The following ABCA13 variants were observed in gnomAD, a reference collection of about 807,000 sequenced individuals.
ABCA13 encodes ATP-binding cassette sub-family A member 13.
A neutral mutation model predicts 478.7 loss-of-function variants in ABCA13; 476 were observed. The observed-to-expected ratio is 0.99, with a 90% CI of 0.92 to 1.07. ABCA13 has a LOEUF of 1.07. Among genes scored for constraint, ABCA13 ranks in the 50% least tolerant of loss-of-function variants. The probability of loss-of-function intolerance (pLI) is 0.00; values close to 1 mark genes in which losing one functional copy is unlikely to be tolerated. For missense variants in ABCA13, 6,060 were observed against 5,910.6 expected (o/e 1.03, Z -0.83); for synonymous variants, 2,252 against 2,158.9 (o/e 1.04, Z -1.20).
At chr7:48,596,257 A>T (rs980124690) in intron 58 of ABCA13, among the ~76,000 whole-genome samples, 6 of 152,092 alleles carry the variant, frequency 3.9e-5, no homozygotes, top group African/African-American at 9.7e-5. Flanking sequence ...TTTCTTTTTT[A>T]AAAAAATTCA....
chr7:48,375,616 G>T (rs12669514), intron 34 of ABCA13, among the ~76,000 whole-genome samples: 46 of 145,476 alleles, frequency 3.2e-4, no homozygotes, highest in African/African-American at 5.2e-4. Flanking sequence ...GGTTTTTTTT[G>T]GGGGGGGGTG....
At chr7:48,457,327 T>G (rs942331499) in intron 43 of ABCA13, among the ~76,000 whole-genome samples, 8 of 144,830 alleles carry the variant, frequency 5.5e-5, no homozygotes, top group African/African-American at 2.1e-4. Context: ...AACTGACTTC[T>G]TCACCCTCCT....
intron 31 of ABCA13, among the ~76,000 whole-genome samples, chr7:48,358,029 C>T (rs1250586440): frequency 2.6e-5 from 4 of 151,206 alleles, no homozygotes; most frequent in Admixed American, 2.6e-4. Flanking sequence ...GTAATCCCAG[C>T]TACTCGGGAG....
rs1388998209 is a variant in ABCA13, at chr7:48,295,770, C to A, written c.9026C>A (p.Thr3009Asn). Residue 3009 changes from threonine to asparagine, a missense_variant, in exon 21 of 62, where the codon ACC becomes AAC. Physicochemically the swap from Thr to Asn is moderately conservative, Grantham distance 65. Coordinates refer to ENST00000435803, the MANE Select transcript of ABCA13 (RefSeq NM_152701.5). Reference protein sequence around the residue: ...CESLSKNLSSTLESFKSSLEN... With the variant: ...CESLSKNLSSNLESFKSSLEN... ...AGTCTTAGCAAGAATCTTTCTAGCACCTTGGAGAGCTTCAAGAGCAGCTTG... is the reference window on the plus strand; with the variant it reads ...AGTCTTAGCAAGAATCTTTCTAGCAACTTGGAGAGCTTCAAGAGCAGCTTG... 2 of 1,613,902 alleles carry A rather than the reference C, an allele frequency of 1.2e-6. No homozygotes were observed. Among genetic ancestry groups the A allele is most frequent in the African/African-American group, 2.7e-5 (2 of 74,930 alleles).
In ABCA13 at chr7:48,307,695, T is replaced by A. The variant is rs183290613; in HGVS notation, c.9322-2252T>A. 3.6e-3 allele frequency among the ~76,000 whole-genome samples: 554 copies of A among 152,314 alleles called. 4 individuals are homozygous for A. The highest frequency in any genetic ancestry group is 0.012 in the African/African-American group (513 of 41,578). On this transcript the variant is annotated intron_variant, in intron 23 of 61. Coordinates refer to ENST00000435803, the MANE Select transcript of ABCA13 (RefSeq NM_152701.5). ...ATAAACTTTATTTATTTATTTATTT[T>A]TTTAAGACAGAGTCTTGCTCTGTTG...
chr7:48,376,224 A>T (rs7795985), intron 34 of ABCA13, among the ~76,000 whole-genome samples: 36,201 of 152,060 alleles, frequency 0.24, 4,762 homozygotes, highest in African/African-American at 0.35. Context: ...GATATTAAAA[A>T]GTAGTTAACA....
At chr7:48,439,934 T>C (rs1009408930) in intron 42 of ABCA13, among the ~76,000 whole-genome samples, 3 of 152,154 alleles carry the variant, frequency 2.0e-5, no homozygotes, top group Admixed American at 6.6e-5. Flanking sequence ...GTTTGAGTCA[T>C]TGGGGGCCAC....
chr7:48,614,325 C>T (rs73327990), intron 58 of ABCA13, among the ~76,000 whole-genome samples: 2,808 of 151,212 alleles, frequency 0.019, 116 homozygotes, highest in African/African-American at 0.062. Context: ...AGCTGGTCTT[C>T]CTGGTATAAG....
intron 3 of ABCA13, among the ~76,000 whole-genome samples, chr7:48,200,980 G>C (rs1798607787): frequency 7.2e-6 from 1 of 139,820 alleles, no homozygotes; most frequent in Non-Finnish European, 1.6e-5. Flanking sequence ...GGAGACAAAG[G>C]AAATAGAAAG....
chr7:48,281,453 G>A lies in ABCA13; in HGVS notation c.8836+1G>A, dbSNP rs1797021433. The stretch of plus-strand genomic sequence containing the variant: ...GTACGTGTGCTCACCATCGTTGCAG[G>A]TGGGCTGCTCATATAACAAGTGCTC... On this transcript the variant is annotated splice_donor_variant, in intron 19 of 61. Transcript: ENST00000435803. LOFTEE classifies it high-confidence loss of function. 1.3e-6 allele frequency: 2 copies of A among 1,588,528 alleles called. No homozygotes were observed. Among genetic ancestry groups the A allele is most frequent in the East Asian group, 2.3e-5 (1 of 43,832 alleles).
At chr7:48,552,242 T>C (rs145649972) in intron 55 of ABCA13, among the ~76,000 whole-genome samples, 3,262 of 152,004 alleles carry the variant, frequency 0.021, 105 homozygotes, top group Middle Eastern at 0.041. Flanking sequence ...TTCTATTTCA[T>C]TGAGGCTGCT....
chr7:48,374,733 G>T (rs1447788545), intron 34 of ABCA13, among the ~76,000 whole-genome samples: 1 of 152,144 alleles, frequency 6.6e-6, no homozygotes, highest in Admixed American at 6.5e-5. Context: ...CCAAGATAGG[G>T]TGTGCAAATG....
At chr7:48,321,242 G>GC in intron 27 of ABCA13, among the ~76,000 whole-genome samples, 1 of 152,304 alleles carries the variant, frequency 6.6e-6, no homozygotes, top group East Asian at 1.9e-4. Context: ...GCACAGGAAA[G>GC]CCCCCACCCC....
At chr7:48,193,554 A>C (rs528682596) in intron 2 of ABCA13, among the ~76,000 whole-genome samples, 1 of 147,168 alleles carries the variant, frequency 6.8e-6, no homozygotes, top group East Asian at 2.1e-4. Context: ...AGATAATGAT[A>C]GTGGTGATTG....
intron 29 of ABCA13, among the ~76,000 whole-genome samples, chr7:48,349,719 C>T (rs528451685): frequency 2.3e-4 from 35 of 152,284 alleles, no homozygotes; most frequent in African/African-American, 8.4e-4. Flanking sequence ...GCTGCCATGT[C>T]CGGGGACAAA....
chr7:48,217,913 A>G (rs117602445), intron 3 of ABCA13, among the ~76,000 whole-genome samples: 5,841 of 152,250 alleles, frequency 0.038, 201 homozygotes, highest in Admixed American at 0.11. Flanking sequence ...AAAAGTCTCA[A>G]TAAAGACCTG....
intron 50 of ABCA13, 107 bp downstream of exon 50, chr7:48,508,156 C>A: frequency 7.4e-7 from 1 of 1,358,976 alleles, no homozygotes. Flanking sequence ...CTTGGAGTGT[C>A]CACAAAAAGG....
Position 48,602,655 on chromosome 7 carries a change from C to CGT in ABCA13, c.14744+7844_14744+7845dup, listed in dbSNP as rs566599155. On this transcript the variant is annotated intron_variant, in intron 58 of 61. Transcript: ENST00000435803. ...TGTAGTATAGTTTGAAGTCAGGTAG[C>CGT]GTGATGCCCCCAGCTTTGTTCTTTT... is the stretch of plus-strand genomic sequence containing the variant. 4.0e-3 allele frequency among the ~76,000 whole-genome samples: 613 copies of CGT among 152,154 alleles called. 5 individuals are homozygous for CGT. The highest frequency in any genetic ancestry group is 6.8e-3 in the Middle Eastern group (2 of 294).
intron 42 of ABCA13, among the ~76,000 whole-genome samples, chr7:48,450,985 C>CTTTTCT (rs1196517175): frequency 8.4e-6 from 1 of 118,584 alleles, no homozygotes; most frequent in Non-Finnish European, 1.7e-5. Context: ...TTTTTTTTTT[C>CTTTTCT]TTTTCTTTTT....
Sources: allele counts gnomAD v4.1 joint callset (sites outside exome capture counted in the v4.1 genomes callset), GRCh38; gene constraint gnomAD v4.1.1; transcripts MANE v1.5; gene names NCBI Gene and HGNC (gene_info 2026-07-23, HGNC 2026-07-21).